Variants in TMEM131 observed in about 807,000 individuals in gnomAD.
The protein encoded by TMEM131 is transmembrane protein 131.
Under a neutral mutation model 211.6 loss-of-function variants are expected in TMEM131, and 66 were observed. The ratio of observed to expected loss-of-function variants is 0.31; its 90% CI spans 0.26 to 0.38. The LOEUF (loss-of-function observed/expected upper bound fraction) is 0.38. Among genes scored for constraint, TMEM131 ranks in the 10% least tolerant of loss-of-function variants. The pLI is 1.00. For synonymous variants in TMEM131, 844 were observed against 841.3 expected (o/e 1.00, Z -0.06); for missense variants, 2,036 against 2,299.3 (o/e 0.89, Z 2.34).
intron 7 of TMEM131, among the ~76,000 whole-genome samples, chr2:97,841,080 C>T (rs777529068): frequency 3.3e-5 from 5 of 152,148 alleles, no homozygotes; most frequent in Non-Finnish European, 7.4e-5. Context: ...AGTGTTGGTC[C>T]GAAAGAACTC....
intron 2 of TMEM131, among the ~76,000 whole-genome samples, chr2:97,913,603 G>A (rs140734691): frequency 4.3e-4 from 65 of 152,260 alleles, no homozygotes; most frequent in African/African-American, 1.2e-3. Flanking sequence ...GCTGAAGTTG[G>A]CTATATTATT....
intron 3 of TMEM131, among the ~76,000 whole-genome samples, chr2:97,893,804 G>T (rs888564115): frequency 5.9e-5 from 9 of 151,992 alleles, no homozygotes; most frequent in Non-Finnish European, 1.2e-4. Flanking sequence ...TAGATTGCAA[G>T]AATTTTCTCC....
At chr2:97,778,491 C>G (rs1448255505) in intron 31 of TMEM131, among the ~76,000 whole-genome samples, 1 of 151,348 alleles carries the variant, frequency 6.6e-6, no homozygotes. Flanking sequence ...GTGGAGGTTG[C>G]AGTGGGCTGA....
intron 3 of TMEM131, among the ~76,000 whole-genome samples, chr2:97,894,489 G>A (rs1423879774): frequency 1.3e-5 from 2 of 152,098 alleles, no homozygotes; most frequent in Non-Finnish European, 2.9e-5. Context: ...CCATTTTCAC[G>A]ATATTGATTC....
chr2:97,879,304 T>G (rs1487958007), intron 4 of TMEM131, among the ~76,000 whole-genome samples: 5 of 152,192 alleles, frequency 3.3e-5, no homozygotes, highest in Non-Finnish European at 7.3e-5. Flanking sequence ...CCTGGTGGTG[T>G]TAGAGCAAGT....
chr2:97,807,632 T>C (rs1289319943), intron 19 of TMEM131, among the ~76,000 whole-genome samples: 3 of 152,222 alleles, frequency 2.0e-5, no homozygotes, highest in African/African-American at 4.8e-5. Flanking sequence ...GATTCCTTTA[T>C]AGCAACACAA....
Position 97,761,573 on chromosome 2 carries a change from G to A in TMEM131, c.4889+462C>T, listed in dbSNP as rs115718730. ...TGTGTGGTCAGGAGGCTGCCCTCCC[G>A]GGTGCACACATCCCCTACTGCAGCA... On this transcript the variant is annotated intron_variant, in intron 36 of 40. Transcript: ENST00000186436. The A allele has an allele frequency of 2.8e-3, 448 of 159,540 alleles. 1 individual carries two copies. The highest frequency in any genetic ancestry group is 0.01 in the African/African-American group (430 of 41,630). 9.9% of individuals were successfully genotyped at this position (159,540 alleles called of 1,614,324 possible).
chr2:97,820,485 T>G (rs1384617652), intron 11 of TMEM131, among the ~76,000 whole-genome samples: 1 of 152,184 alleles, frequency 6.6e-6, no homozygotes, highest in Non-Finnish European at 1.5e-5. Flanking sequence ...CATCACTTTA[T>G]GCAATAAAAG....
At chr2:97,796,600 G>T (rs2293679) in intron 27 of TMEM131, among the ~76,000 whole-genome samples, 196 bp from the exon 28 acceptor site, 56,860 of 152,058 alleles carry the variant, frequency 0.37, 11,760 homozygotes, top group African/African-American at 0.51. Context: ...GGCAAAAGTT[G>T]ACTATACTTC....
At chr2:97,893,917 A>T (rs1286351934) in intron 3 of TMEM131, among the ~76,000 whole-genome samples, 1 of 152,134 alleles carries the variant, frequency 6.6e-6, no homozygotes, top group Non-Finnish European at 1.5e-5. Flanking sequence ...TTTTGCTGCC[A>T]TTGCTTCTGG....
chr2:97,862,305 C>T (rs1674102061), intron 4 of TMEM131, among the ~76,000 whole-genome samples: 1 of 152,152 alleles, frequency 6.6e-6, no homozygotes, highest in African/African-American at 2.4e-5. Flanking sequence ...ATACCTAACT[C>T]TTCAATGCCC....
chr2:97,809,950 TAAAATGTAATG>T (rs1005509497), intron 18 of TMEM131, among the ~76,000 whole-genome samples, 176 bp from the exon 19 acceptor site: 25 of 152,304 alleles, frequency 1.6e-4, no homozygotes, highest in African/African-American at 6.0e-4. Context: ...ATGTACTCCA[TAAAATGTAATG>T]AAATATAACA....
chr2:97,887,168 G>T (rs1444130353), intron 4 of TMEM131, among the ~76,000 whole-genome samples: 3 of 152,248 alleles, frequency 2.0e-5, no homozygotes, highest in Non-Finnish European at 4.4e-5. Context: ...AGACACAGTT[G>T]CAAGTCTGCT....
Position 97,993,169 on chromosome 2 carries a change from A to T in TMEM131, c.187+2307T>A, listed in dbSNP as rs576525925. On this transcript the variant is annotated intron_variant, in intron 1 of 40. Coordinates refer to ENST00000186436, the MANE Select transcript of TMEM131 (RefSeq NM_015348.2). Reference sequence around the variant, plus strand: ...TACAGTAATGAAGGAAAAGAAATACAAACATACAAAATACCTGCAGAATCA... The same window carrying T: ...TACAGTAATGAAGGAAAAGAAATACTAACATACAAAATACCTGCAGAATCA... Among the ~76,000 whole-genome samples, 31 of 152,388 alleles carry T rather than the reference A, an allele frequency of 2.0e-4. No individual in the cohort carries two copies. The South Asian group carries it at 6.4e-3, about 32-fold the overall frequency.
intron 7 of TMEM131, among the ~76,000 whole-genome samples, chr2:97,840,115 A>G (rs1683126675): frequency 6.6e-6 from 1 of 152,234 alleles, no homozygotes; most frequent in Non-Finnish European, 1.5e-5. Context: ...TAAACAATCT[A>G]TATTTGGTTC....
intron 2 of TMEM131, among the ~76,000 whole-genome samples, chr2:97,910,377 T>C (rs1469806674): frequency 1.3e-5 from 2 of 152,142 alleles, no homozygotes; most frequent in Non-Finnish European, 2.9e-5. Flanking sequence ...CCCACTTCTG[T>C]GTATATACCC....
intron 31 of TMEM131, among the ~76,000 whole-genome samples, chr2:97,790,806 CA>C (rs1464265679): frequency 4.6e-5 from 7 of 152,060 alleles, no homozygotes; most frequent in South Asian, 2.1e-4. Flanking sequence ...ATGGGTTAGC[CA>C]AAAAGGATTT....
chr2:97,973,861 C>A (rs1433840656), intron 1 of TMEM131, among the ~76,000 whole-genome samples: 2 of 152,200 alleles, frequency 1.3e-5, no homozygotes. Context: ...AAAAGCAAGA[C>A]ATCCCAGAAT....
intron 1 of TMEM131, among the ~76,000 whole-genome samples, chr2:97,972,485 A>AAGGCGGGC (rs1679347994): frequency 1.4e-5 from 2 of 146,008 alleles, no homozygotes; most frequent in African/African-American, 2.5e-5. Context: ...GGAGGGAGGG[A>AAGGCGGGC]AGGCGGGCAG....
Sources: allele counts gnomAD v4.1 joint callset (sites outside exome capture counted in the v4.1 genomes callset), GRCh38; gene constraint gnomAD v4.1.1; transcripts MANE v1.5; gene names NCBI Gene and HGNC (gene_info 2026-07-23, HGNC 2026-07-21).